TSKS: variants seen among roughly 807,000 people sequenced by gnomAD.
TSKS encodes testis-specific serine kinase substrate.
In TSKS, 27 loss-of-function variants were observed where a neutral mutation model predicts 68.0. The ratio of observed to expected loss-of-function variants is 0.40; its 90% CI spans 0.29 to 0.55. The LOEUF (loss-of-function observed/expected upper bound fraction) is 0.55. Among genes scored for constraint, TSKS ranks in the 20% least tolerant of loss-of-function variants. The pLI is 0.53. For synonymous variants in TSKS, 331 were observed against 340.4 expected, an observed-to-expected ratio of 0.97 and a Z score of 0.30; for missense variants, 806 against 776.0, an observed-to-expected ratio of 1.04 and a Z score of -0.46.
At chr19:49,754,784 TA>T (rs2084380311) in intron 2 of TSKS, among the ~76,000 whole-genome samples, 1 of 151,936 alleles carries the variant, frequency 6.6e-6, no homozygotes, top group Non-Finnish European at 1.5e-5. Context: ...CAAACATTAT[TA>T]AAAGAAACCA....
Position 49,746,621 on chromosome 19 carries a change from C to T in TSKS, c.841G>A (p.Gly281Ser). The change falls in exon 6 of 11, where the codon GGC becomes AGC. Residue 281 changes from glycine (G) to serine (S), a missense_variant. By Grantham distance (56) the Gly-to-Ser change is moderately conservative (BLOSUM62 0). Transcript: ENST00000246801. The part of the protein sequence containing the change: ...NSLGPAATSQ[G>S]CPGPPGSPDK... ...GGACTCCCTGGCGGGCCGGGGCAGC[C>T]CTGGGACGTGGCGGCGGGGCCCAGG... The T allele has an allele frequency of 6.2e-7, 1 of 1,611,032 alleles. No homozygotes were observed. The highest frequency in any genetic ancestry group is 8.5e-7 in the Non-Finnish European group (1 of 1,179,600).
At chr19:49,761,884 C>A (rs1425602615) in intron 2 of TSKS, 120 bp downstream of exon 2, 25 of 770,020 alleles carry the variant, frequency 3.2e-5, no homozygotes, top group Non-Finnish European at 5.0e-5. Context: ...TCCTCTGGGT[C>A]TCGAATGACC....
intron 2 of TSKS, among the ~76,000 whole-genome samples, chr19:49,752,086 A>C (rs965028027): frequency 1.3e-5 from 2 of 150,830 alleles, no homozygotes; most frequent in Non-Finnish European, 3.0e-5. Context: ...ACAACAACAA[A>C]AAAATGTAAC....
rs190898835 is a variant in TSKS, at chr19:49,756,809, C to G, written c.399+5195G>C. On this transcript the variant is annotated intron_variant, in intron 2 of 10. Coordinates refer to ENST00000246801, the MANE Select transcript of TSKS (RefSeq NM_021733.2). ...TTGTGGTGGCTCATGCTTGTAATCC[C>G]AGCACTTTGGGAGGCCGAGGCAGGT... 3.1e-3 allele frequency among the ~76,000 whole-genome samples: 473 copies of G among 152,308 alleles called. 5 individuals carry two copies. Among genetic ancestry groups the G allele is most frequent in the African/African-American group, 9.8e-3 (406 of 41,564 alleles).
At chr19:49,748,928 G>A (rs7252978) in intron 2 of TSKS, among the ~76,000 whole-genome samples, 35,602 of 151,924 alleles carry the variant, frequency 0.23, 5,379 homozygotes, top group African/African-American at 0.41. Context: ...TTAGCTAGGC[G>A]TGGTGGTGCC....
intron 2 of TSKS, among the ~76,000 whole-genome samples, chr19:49,752,986 A>G (rs2084363140): frequency 6.6e-6 from 1 of 152,268 alleles, no homozygotes; most frequent in Admixed American, 6.5e-5. Flanking sequence ...GGCAAAGACT[A>G]GAAGATTTTG....
At chr19:49,758,727 G>A (rs2084414178) in intron 2 of TSKS, among the ~76,000 whole-genome samples, 1 of 152,112 alleles carries the variant, frequency 6.6e-6, no homozygotes, top group Non-Finnish European at 1.5e-5. Flanking sequence ...CTCAGCCCAA[G>A]GGAGTCTTGG....
intron 8 of TSKS, among the ~76,000 whole-genome samples, chr19:49,742,932 C>A (rs2084264091): frequency 6.6e-6 from 1 of 152,076 alleles, no homozygotes; most frequent in Non-Finnish European, 1.5e-5. Flanking sequence ...ATGGACCTTC[C>A]CACAATGGGC....
Position 49,746,607 on chromosome 19 carries a change from C to A in TSKS, c.855G>T (p.Pro285=), listed in dbSNP as rs1568562122. The A allele has an allele frequency of 1.4e-5, 23 of 1,611,076 alleles. No homozygotes were observed. The highest frequency in any genetic ancestry group is 2.0e-5 in the Non-Finnish European group (23 of 1,179,242). Reference sequence around the variant, plus strand: ...GCGAGGGTTTGTCGGGACTCCCTGGCGGGCCGGGGCAGCCCTGGGACGTGG... The same window carrying A: ...GCGAGGGTTTGTCGGGACTCCCTGGAGGGCCGGGGCAGCCCTGGGACGTGG... ...PAATSQGCPG[P]PGSPDKPSRP... is the part of the protein sequence containing the mutation. Residue 285 remains proline (P), a synonymous_variant, in exon 6 of 11, where the codon CCG becomes CCT. Transcript: ENST00000246801.
chr19:49,757,984 G>C (rs1359661203), intron 2 of TSKS, among the ~76,000 whole-genome samples: 1 of 147,178 alleles, frequency 6.8e-6, no homozygotes, highest in Admixed American at 6.9e-5. Context: ...TCCACCTCCC[G>C]AGTTCAAGCG....
In TSKS at chr19:49,746,495, G is replaced by C; in HGVS notation, c.967C>G (p.Leu323Val). Reference sequence around the variant, plus strand: ...CTCAGCTCTTCGATGCCGGTGAACAGCTTCTGCAATTCCTGCTCGCTCACG... The same window carrying C: ...CTCAGCTCTTCGATGCCGGTGAACACCTTCTGCAATTCCTGCTCGCTCACG... ...PYVSEQELQKLFTGIEELRRE... is the reference protein window; with the variant it reads ...PYVSEQELQKVFTGIEELRRE... The change falls in exon 6 of 11, where the codon CTG (leucine) becomes GTG (valine). Residue 323 changes from leucine to valine, a missense_variant. By Grantham distance (32) the Leu-to-Val change is conservative. Transcript: ENST00000246801. The C allele has an allele frequency of 6.2e-7, 1 of 1,613,994 alleles. No individual in the cohort carries two copies. Among genetic ancestry groups the C allele is most frequent in the Non-Finnish European group, 8.5e-7 (1 of 1,179,948 alleles).
intron 2 of TSKS, among the ~76,000 whole-genome samples, chr19:49,753,217 G>C (rs1411772356): frequency 6.6e-6 from 1 of 152,142 alleles, no homozygotes; most frequent in African/African-American, 2.4e-5. Flanking sequence ...CTTGAGCCCA[G>C]AAGTTCAAGA....
At chr19:49,748,332 C>T (rs779243200) in intron 3 of TSKS, 42 bp downstream of exon 3, 12 of 1,602,554 alleles carry the variant, frequency 7.5e-6, no homozygotes, top group Non-Finnish European at 9.4e-6. Context: ...GGAACTTGGC[C>T]CTGGAGGAAG....
chr19:49,751,634 G>A (rs1256997878), intron 2 of TSKS, among the ~76,000 whole-genome samples: 1 of 152,116 alleles, frequency 6.6e-6, no homozygotes, highest in Non-Finnish European at 1.5e-5. Context: ...GTCATTCTAT[G>A]ATTGTTAAGT....
At chr19:49,756,118 A>G (rs2084390644) in intron 2 of TSKS, among the ~76,000 whole-genome samples, 1 of 152,204 alleles carries the variant, frequency 6.6e-6, no homozygotes, top group Non-Finnish European at 1.5e-5. Context: ...AAAGGATTAT[A>G]CATGGTGACC....
intron 2 of TSKS, among the ~76,000 whole-genome samples, chr19:49,758,879 C>T (rs1397933217): frequency 2.6e-5 from 4 of 150,990 alleles, no homozygotes; most frequent in Non-Finnish European, 5.9e-5. Context: ...TTTTTTGAGA[C>T]GGAGTTTTGC....
intron 2 of TSKS, among the ~76,000 whole-genome samples, chr19:49,761,378 T>A (rs2084438991): frequency 6.6e-6 from 1 of 152,162 alleles, no homozygotes; most frequent in South Asian, 2.1e-4. Flanking sequence ...TAAGTCCCCC[T>A]AAATCTTGCT....
chr19:49,761,539 C>G (rs1362740230), intron 2 of TSKS, among the ~76,000 whole-genome samples: 1 of 152,204 alleles, frequency 6.6e-6, no homozygotes, highest in Non-Finnish European at 1.5e-5. Flanking sequence ...GGGATCTCCT[C>G]CGTTAGGGAA....
intron 2 of TSKS, among the ~76,000 whole-genome samples, chr19:49,757,295 C>T (rs1216908530): frequency 6.6e-6 from 1 of 152,180 alleles, no homozygotes; most frequent in East Asian, 1.9e-4. Flanking sequence ...CAGGTGACTG[C>T]AGCCCCAGCC....
Sources: allele counts gnomAD v4.1 joint callset (sites outside exome capture counted in the v4.1 genomes callset), GRCh38; gene constraint gnomAD v4.1.1; transcripts MANE v1.5; gene names NCBI Gene and HGNC (gene_info 2026-07-23, HGNC 2026-07-21).